Variants in ETV6 observed in about 807,000 individuals in gnomAD.
ETV6 encodes ETS variant transcription factor 6, also known as transcription factor ETV6.
ETV6 carries 16 observed loss-of-function variants against 51.1 expected under a neutral mutation model. The observed-to-expected ratio is 0.31, with a 90% CI of 0.21 to 0.48. ETV6 has a LOEUF of 0.48. ETV6 is among the 20% of genes least tolerant of loss of function. The probability of loss-of-function intolerance (pLI) is 0.99; values close to 1 mark genes in which losing one functional copy is unlikely to be tolerated. For missense variants in ETV6, 458 were observed against 594.8 expected (o/e 0.77, Z 2.39); for synonymous variants, 240 against 224.1 (o/e 1.07, Z -0.64).
At chr12:11,836,887 T>C (rs1401215737) in intron 2 of ETV6, among the ~76,000 whole-genome samples, 1 of 152,210 alleles carries the variant, frequency 6.6e-6, no homozygotes, top group Non-Finnish European at 1.5e-5. Context: ...TCCAGGCACC[T>C]TCCTAGGCCT....
rs1481207442 is a variant in ETV6, at chr12:11,682,284, T to C, written c.33+32124T>C. Among the ~76,000 whole-genome samples, 4 of 152,206 alleles carry C rather than the reference T, an allele frequency of 2.6e-5. No homozygotes were observed. In the South Asian group the frequency reaches 6.2e-4, roughly 24 times the overall value. ...CTAACTGGTGTGAGATGGTATCTCA[T>C]TGTGGTTTTGATTTGCATTTCTGTA... On this transcript the variant is annotated intron_variant, in intron 1 of 7. Transcript: ENST00000396373.
chr12:11,696,021 G>A (rs745487690), intron 1 of ETV6, among the ~76,000 whole-genome samples: 2 of 151,436 alleles, frequency 1.3e-5, no homozygotes, highest in Non-Finnish European at 2.9e-5. Flanking sequence ...GATGATAGGT[G>A]TAGGGAAAAA....
chr12:11,715,424 T>C (rs1457152432), intron 1 of ETV6, among the ~76,000 whole-genome samples: 1 of 152,202 alleles, frequency 6.6e-6, no homozygotes, highest in African/African-American at 2.4e-5. Context: ...TAAATACTCA[T>C]TATCACCTTC....
chr12:11,739,349 C>T (rs1865766466), intron 1 of ETV6, among the ~76,000 whole-genome samples: 1 of 152,200 alleles, frequency 6.6e-6, no homozygotes, highest in Non-Finnish European at 1.5e-5. Flanking sequence ...GCGTGGCCCC[C>T]ACTCATCCCT....
chr12:11,738,644 T>G (rs1865754716), intron 1 of ETV6, among the ~76,000 whole-genome samples: 1 of 152,086 alleles, frequency 6.6e-6, no homozygotes. Context: ...ACCTACAGCC[T>G]GGGAGTCAGG....
intron 2 of ETV6, chr12:11,826,682 C>G (rs1043609641): frequency 1.3e-5 from 2 of 152,194 alleles, no homozygotes; most frequent in African/African-American, 4.8e-5. Flanking sequence ...TTCATCCAAA[C>G]GAATGAATAA....
intron 1 of ETV6, among the ~76,000 whole-genome samples, chr12:11,694,451 G>A (rs1354220572): frequency 6.6e-6 from 1 of 152,126 alleles, no homozygotes; most frequent in African/African-American, 2.4e-5. Flanking sequence ...TCAGTCCAAT[G>A]GCCATGTTTA....
intron 1 of ETV6, among the ~76,000 whole-genome samples, chr12:11,663,221 T>C (rs1341795058): frequency 6.6e-6 from 1 of 152,116 alleles, no homozygotes; most frequent in Non-Finnish European, 1.5e-5. Context: ...CTTCCTGGAT[T>C]AGGGAACGGT....
At chr12:11,759,849 T>C (rs1415607367) in intron 2 of ETV6, among the ~76,000 whole-genome samples, 3 of 152,252 alleles carry the variant, frequency 2.0e-5, no homozygotes, top group Non-Finnish European at 2.9e-5. Flanking sequence ...GCTGAGTATA[T>C]ACAAATACAG....
At chr12:11,700,022 G>A (rs190139555) in intron 1 of ETV6, among the ~76,000 whole-genome samples, 1 of 152,222 alleles carries the variant, frequency 6.6e-6, no homozygotes, top group African/African-American at 2.4e-5. Flanking sequence ...GTAGTTATTT[G>A]TGTATCTGTG....
intron 2 of ETV6, among the ~76,000 whole-genome samples, chr12:11,829,854 G>C (rs970163113): frequency 1.3e-5 from 2 of 152,178 alleles, no homozygotes; most frequent in African/African-American, 4.8e-5. Context: ...ACAGAAATAG[G>C]AAATGTTTTG....
At chr12:11,662,898 T>C (rs927733273) in intron 1 of ETV6, among the ~76,000 whole-genome samples, 1 of 152,140 alleles carries the variant, frequency 6.6e-6, no homozygotes, top group Admixed American at 6.5e-5. Flanking sequence ...TCAAGTGGGG[T>C]CTGTGTGGAC....
At chr12:11,868,763 C>T (rs1946828822) in intron 4 of ETV6, among the ~76,000 whole-genome samples, 1 of 152,020 alleles carries the variant, frequency 6.6e-6, no homozygotes, top group Non-Finnish European at 1.5e-5. Flanking sequence ...ATGAAAGCAT[C>T]TAGAGAGAAA....
At chr12:11,785,283 A>G (rs1461962456) in intron 2 of ETV6, among the ~76,000 whole-genome samples, 2 of 151,946 alleles carry the variant, frequency 1.3e-5, no homozygotes, top group African/African-American at 2.4e-5. Flanking sequence ...CCAAATATAT[A>G]CTTGAACCAC....
Position 11,891,563 on chromosome 12 carries a change from G to C in ETV6, c.*517G>C. 1.9e-6 allele frequency: 1 copy of C among 535,016 alleles called. No individual in the cohort carries two copies. Among genetic ancestry groups the C allele is most frequent in the Non-Finnish European group, 3.6e-6 (1 of 275,682 alleles). The allele number at this position is 535,016 out of a possible 1,614,324, so 33.1% of individuals were successfully genotyped here. ...CAGGTTCCTCTTTTTCCTGCCACGTGGATCAGGTCTGTTCCTGTTACTGTT... is the reference window on the plus strand; with the variant it reads ...CAGGTTCCTCTTTTTCCTGCCACGTCGATCAGGTCTGTTCCTGTTACTGTT... On this transcript the variant is annotated 3_prime_UTR_variant, in exon 8 of 8. Coordinates refer to ENST00000396373, the MANE Select transcript of ETV6 (RefSeq NM_001987.5).
chr12:11,677,863 C>T (rs1189572077), intron 1 of ETV6, among the ~76,000 whole-genome samples: 1 of 152,228 alleles, frequency 6.6e-6, no homozygotes, highest in Non-Finnish European at 1.5e-5. Flanking sequence ...CATACACCTG[C>T]TCATCCTTGA....
In ETV6 at chr12:11,886,859, T is replaced by C. The variant is rs561871096; in HGVS notation, c.1253+833T>C. 8.2e-4 allele frequency among the ~76,000 whole-genome samples: 125 copies of C among 152,196 alleles called. 1 individual carries two copies. Among genetic ancestry groups the C allele is most frequent in the African/African-American group, 3.0e-3 (123 of 41,520 alleles). On this transcript the variant is annotated intron_variant, in intron 7 of 7. Transcript: ENST00000396373. Reference sequence around the variant, plus strand: ...ATTAGCGGGGCCAACTGCAGGTTGGTAGAAGTGAGATCAACAAACACAACC... The same window carrying C: ...ATTAGCGGGGCCAACTGCAGGTTGGCAGAAGTGAGATCAACAAACACAACC...
rs367594605 is a variant in ETV6 at position 11,650,481 on chromosome 12, T to TAAAAAAAAAAA, written c.33+325_33+335dup. 4.5e-3 allele frequency among the ~76,000 whole-genome samples: 195 copies of TAAAAAAAAAAA among 43,302 alleles called. 25 individuals are homozygous for TAAAAAAAAAAA. Among genetic ancestry groups the TAAAAAAAAAAA allele is most frequent in the African/African-American group, 5.1e-3 (60 of 11,766 alleles). 28.4% of individuals were successfully genotyped at this position (43,302 alleles called of 152,430 possible). A position where few individuals can be genotyped will look rare whatever the true frequency, so the allele number is the denominator to read the frequency against. The stretch of plus-strand genomic sequence containing the variant: ...AAAACACCCCCGTAATTAGTGCGCT[T>TAAAAAAAAAAA]AAAAAAAAAAAAAACAAAAAACAAA... On this transcript the variant is annotated intron_variant, in intron 1 of 7. Transcript: ENST00000396373.
At chr12:11,851,287 A>G (rs919132727) in intron 3 of ETV6, among the ~76,000 whole-genome samples, 4 of 149,884 alleles carry the variant, frequency 2.7e-5, no homozygotes, top group African/African-American at 9.9e-5. Flanking sequence ...CAATGTTTTC[A>G]TTTTTCTATT....
Sources: allele counts gnomAD v4.1 joint callset (sites outside exome capture counted in the v4.1 genomes callset), GRCh38; gene constraint gnomAD v4.1.1; transcripts MANE v1.5; gene names NCBI Gene and HGNC (gene_info 2026-07-23, HGNC 2026-07-21).